Variants in ADAMTS17 observed in about 807,000 individuals in gnomAD.
ADAMTS17 encodes the protein ADAM metallopeptidase with thrombospondin type 1 motif 17, also known as A disintegrin and metalloproteinase with thrombospondin motifs 17.
In ADAMTS17, 113 loss-of-function variants were observed where a neutral mutation model predicts 141.5. That is an observed-to-expected ratio of 0.80 (90% CI 0.69 to 0.93). The LOEUF is 0.93. ADAMTS17 is among the 40% of genes least tolerant of loss of function. The probability of loss-of-function intolerance (pLI) is 0.00; values close to 1 mark genes in which losing one functional copy is unlikely to be tolerated. For synonymous variants in ADAMTS17, 768 were observed against 630.6 expected (o/e 1.22, Z -3.27); for missense variants, 1,659 against 1,517.9 (o/e 1.09, Z -1.54).
chr15:99,977,052 G>A (rs1326560566), intron 20 of ADAMTS17, among the ~76,000 whole-genome samples: 1 of 152,072 alleles, frequency 6.6e-6, no homozygotes, highest in African/African-American at 2.4e-5. Flanking sequence ...CCAGTCTTGG[G>A]CATGGAGAAG....
intron 21 of ADAMTS17, among the ~76,000 whole-genome samples, chr15:99,975,398 A>C (rs2573654): frequency 0.67 from 102,062 of 151,870 alleles, 34,598 homozygotes; most frequent in Non-Finnish European, 0.71. Context: ...TTAGTAGAGA[A>C]GGGGTTTCAC....
chr15:100,228,469 A>G (rs1054980264), intron 7 of ADAMTS17, among the ~76,000 whole-genome samples: 1 of 152,222 alleles, frequency 6.6e-6, no homozygotes, highest in African/African-American at 2.4e-5. Flanking sequence ...ACACTGCTGA[A>G]TTCATTATTG....
rs140043406 is a variant in ADAMTS17 at position 100,330,959 on chromosome 15, G to C, written c.546C>G (p.Arg182=). The C allele has an allele frequency of 9.9e-6, 16 of 1,614,000 alleles. No homozygotes were observed. In the African/African-American group the frequency reaches 2.0e-4, roughly 20 times the overall value. The change falls in exon 3 of 22, where the codon CGC becomes CGG. Residue 182 remains arginine (R), a synonymous_variant. Transcript: ENST00000268070. ...PFSGREHLIR[R]KWSLTPSPSA... is the part of the protein sequence containing the mutation. The stretch of plus-strand genomic sequence containing the variant: ...AAGGGCTGGGGGTCAAGGACCATTT[G>C]CGCCTGATCAGATGTTCTCGTCCAC...
At chr15:99,988,464 C>T (rs2060632508) in intron 20 of ADAMTS17, among the ~76,000 whole-genome samples, 3 of 152,198 alleles carry the variant, frequency 2.0e-5, no homozygotes, top group Admixed American at 6.5e-5. Flanking sequence ...GTCTGCAGAA[C>T]CATGAGCCAA....
At chr15:100,334,188 G>A (rs2046138307) in intron 2 of ADAMTS17, among the ~76,000 whole-genome samples, 1 of 152,226 alleles carries the variant, frequency 6.6e-6, no homozygotes, top group African/African-American at 2.4e-5. Flanking sequence ...TCACTGCAGT[G>A]TGGAAAGTGT....
intron 3 of ADAMTS17, among the ~76,000 whole-genome samples, chr15:100,309,384 T>C (rs543814476): frequency 1.3e-5 from 2 of 152,288 alleles, no homozygotes; most frequent in South Asian, 4.1e-4. Context: ...ATGGAATGGC[T>C]ATTCCCCACA....
At chr15:100,064,484 C>A (rs568393097) in intron 15 of ADAMTS17, among the ~76,000 whole-genome samples, 1 of 152,348 alleles carries the variant, frequency 6.6e-6, no homozygotes, top group South Asian at 2.1e-4. Context: ...TCTCATTCAT[C>A]TGCTGGAGGG....
intron 15 of ADAMTS17, among the ~76,000 whole-genome samples, chr15:100,057,714 G>A (rs779475439): frequency 6.6e-6 from 1 of 152,158 alleles, no homozygotes; most frequent in Non-Finnish European, 1.5e-5. Context: ...CAAACAGGGG[G>A]ACTTTTGTTC....
chr15:100,228,783 C>T (rs557094806), intron 7 of ADAMTS17, among the ~76,000 whole-genome samples: 19 of 152,312 alleles, frequency 1.2e-4, no homozygotes, highest in Non-Finnish European at 2.5e-4. Context: ...CTTGTCTGTC[C>T]AATGGTCTGG....
At chr15:100,244,932 G>A (rs910822472) in intron 7 of ADAMTS17, among the ~76,000 whole-genome samples, 5 of 152,144 alleles carry the variant, frequency 3.3e-5, no homozygotes, top group African/African-American at 1.2e-4. Context: ...TCCCCCTCGT[G>A]TTTTCGGGGA....
In ADAMTS17 at chr15:100,311,398, T is replaced by C. The variant is rs1432953426; in HGVS notation, c.616+19491A>G. On this transcript the variant is annotated intron_variant, in intron 3 of 21. Transcript: ENST00000268070. ...ACCATCCCTCCTCCAGCCTCAGGGC[T>C]GGACCAGCTGCCAGGAGCTTCCCTG... is the stretch of plus-strand genomic sequence containing the variant. Among the ~76,000 whole-genome samples the C allele has an allele frequency of 2.0e-5, 3 of 152,234 alleles. No homozygotes were observed. In the East Asian group the frequency reaches 5.8e-4, roughly 29 times the overall value.
At chr15:100,141,544 G>A (rs1273885595) in intron 10 of ADAMTS17, among the ~76,000 whole-genome samples, 1 of 152,184 alleles carries the variant, frequency 6.6e-6, no homozygotes, top group African/African-American at 2.4e-5. Context: ...ACATACTACT[G>A]CAGTGTGAAG....
intron 7 of ADAMTS17, among the ~76,000 whole-genome samples, chr15:100,223,774 A>C (rs1226706720): frequency 6.6e-6 from 1 of 151,804 alleles, no homozygotes; most frequent in Non-Finnish European, 1.5e-5. Context: ...ACATATATAT[A>C]TCCTGGGTGT....
At chr15:100,166,880 A>G (rs1424986942) in intron 8 of ADAMTS17, among the ~76,000 whole-genome samples, 1 of 152,240 alleles carries the variant, frequency 6.6e-6, no homozygotes, top group Non-Finnish European at 1.5e-5. Context: ...CCAGGCCCAT[A>G]GCAGTGAGTG....
chr15:99,988,140 C>T (rs957216089), intron 20 of ADAMTS17, among the ~76,000 whole-genome samples: 4 of 152,080 alleles, frequency 2.6e-5, no homozygotes, highest in African/African-American at 9.7e-5. Flanking sequence ...CAGACAGTGG[C>T]TGATACAGTT....
Position 100,254,126 on chromosome 15 carries a change from C to T in ADAMTS17, c.1075+10G>A, listed in dbSNP as rs943576519. Reference sequence around the variant, plus strand: ...AGCCCCTTAGATTATTATTTCAACTCTAAACTTACCAACAGTGTCACACGG... The same window carrying T: ...AGCCCCTTAGATTATTATTTCAACTTTAAACTTACCAACAGTGTCACACGG... On this transcript the variant is annotated intron_variant, in intron 7 of 21. Coordinates refer to ENST00000268070, the MANE Select transcript of ADAMTS17 (RefSeq NM_139057.4). 1 of 1,612,542 alleles carries T rather than the reference C, an allele frequency of 6.2e-7. No individual in the cohort carries two copies.
rs559550977 is a variant in ADAMTS17, at chr15:100,055,464, C to T, written c.2138-1410G>A. On this transcript the variant is annotated intron_variant, in intron 15 of 21. Coordinates refer to ENST00000268070, the MANE Select transcript of ADAMTS17 (RefSeq NM_139057.4). ...TGCTCGCTCCCGGCAAACACACAGA[C>T]GCAGGCTCAGGGCTTCTCGTGTTAG... 1.2e-4 allele frequency among the ~76,000 whole-genome samples: 18 copies of T among 152,254 alleles called. No homozygotes were observed. In the South Asian group the frequency reaches 2.3e-3, roughly 19 times the overall value.
At chr15:100,116,177 G>T (rs2037119401) in intron 13 of ADAMTS17, among the ~76,000 whole-genome samples, 1 of 147,528 alleles carries the variant, frequency 6.8e-6, no homozygotes, top group Non-Finnish European at 1.5e-5. Flanking sequence ...CCCTGAAGCG[G>T]GTCCTGGGGT....
chr15:100,227,797 T>C (rs1217866400), intron 7 of ADAMTS17, among the ~76,000 whole-genome samples: 6 of 152,206 alleles, frequency 3.9e-5, no homozygotes, highest in Admixed American at 3.9e-4. Context: ...GGAAAAGGAA[T>C]GGACTGTCGT....
Sources: gnomAD v4.1 joint callset for allele counts (sites outside exome capture counted in the v4.1 genomes callset) on GRCh38, gnomAD v4.1.1 for gene constraint, MANE v1.5 for transcripts, NCBI Gene and HGNC (gene_info 2026-07-23, HGNC 2026-07-21) for gene names.